Variants in PAG1 observed in about 807,000 individuals in gnomAD.
PAG1 encodes the protein phosphoprotein associated with glycosphingolipid-enriched microdomains 1.
PAG1 carries 23 observed loss-of-function variants against 31.7 expected under a neutral mutation model. The ratio of observed to expected loss-of-function variants is 0.73; its 90% CI spans 0.52 to 1.03. The LOEUF (loss-of-function observed/expected upper bound fraction) is 1.03. Among genes scored for constraint, PAG1 ranks in the 50% least tolerant of loss-of-function variants. PAG1 has a pLI of 0.00. For synonymous variants in PAG1, 214 were observed against 210.3 expected, an observed-to-expected ratio of 1.02 and a Z score of -0.15; for missense variants, 473 against 540.7, an observed-to-expected ratio of 0.87 and a Z score of 1.24.
chr8:81,088,140 C>T (rs1447786408), intron 1 of PAG1, among the ~76,000 whole-genome samples: 1 of 152,064 alleles, frequency 6.6e-6, no homozygotes, highest in East Asian at 1.9e-4. Flanking sequence ...TATTTACCTC[C>T]CAACTCCTTC....
intron 3 of PAG1, chr8:81,029,659 G>C (rs753705343): frequency 6.6e-6 from 1 of 152,088 alleles, no homozygotes; most frequent in Admixed American, 6.5e-5. Context: ...AGGATGAAAT[G>C]TTATTTTCAT....
chr8:80,993,922 T>G (rs945047853), intron 3 of PAG1, among the ~76,000 whole-genome samples: 1 of 152,140 alleles, frequency 6.6e-6, no homozygotes, highest in Non-Finnish European at 1.5e-5. Context: ...TCTTAATGTC[T>G]TCAAATAAAG....
At chr8:81,094,837 C>T (rs1398313017) in intron 1 of PAG1, among the ~76,000 whole-genome samples, 1 of 152,190 alleles carries the variant, frequency 6.6e-6, no homozygotes, top group Admixed American at 6.5e-5. Context: ...ACCATTTTCA[C>T]ACAGGCAGGA....
intron 1 of PAG1, among the ~76,000 whole-genome samples, chr8:81,074,189 C>A (rs780625358): frequency 6.6e-6 from 1 of 152,100 alleles, no homozygotes; most frequent in Non-Finnish European, 1.5e-5. Context: ...GGCACAGGGA[C>A]CCACTGAGAC....
intron 1 of PAG1, among the ~76,000 whole-genome samples, chr8:81,071,281 C>G (rs895752091): frequency 1.3e-5 from 2 of 152,188 alleles, no homozygotes; most frequent in Admixed American, 1.3e-4. Flanking sequence ...ATATGAGTAC[C>G]AAGAGAAAAG....
intron 2 of PAG1, among the ~76,000 whole-genome samples, chr8:81,038,350 G>A (rs150634993): frequency 6.6e-6 from 1 of 152,320 alleles, no homozygotes; most frequent in Non-Finnish European, 1.5e-5. Context: ...CCCAGCCACA[G>A]AAAGGACCCT....
At chr8:80,986,397 C>T (rs371551007) in intron 6 of PAG1, among the ~76,000 whole-genome samples, 9 of 152,098 alleles carry the variant, frequency 5.9e-5, no homozygotes, top group East Asian at 1.9e-4. Context: ...GGTAACAGGA[C>T]GCCCTCTTAC....
At chr8:81,069,932 A>C (rs1008917305) in intron 2 of PAG1, among the ~76,000 whole-genome samples, 180 bp downstream of exon 2, 1 of 152,226 alleles carries the variant, frequency 6.6e-6, no homozygotes, top group African/African-American at 2.4e-5. Context: ...CTAAGTTGCT[A>C]AATTCAAATC....
At chr8:81,059,491 G>A (rs185433731) in intron 2 of PAG1, among the ~76,000 whole-genome samples, 17 of 152,190 alleles carry the variant, frequency 1.1e-4, no homozygotes, top group Admixed American at 2.6e-4. Context: ...CTCCTGCTTG[G>A]AAGAAGTAAG....
intron 1 of PAG1, among the ~76,000 whole-genome samples, chr8:81,082,528 CT>C (rs1809286414): frequency 6.6e-6 from 1 of 152,108 alleles, no homozygotes; most frequent in Admixed American, 6.5e-5. Flanking sequence ...TCCTATGCTT[CT>C]TATGGGTCTC....
intron 1 of PAG1, among the ~76,000 whole-genome samples, chr8:81,085,390 A>G (rs750113540): frequency 4.6e-5 from 7 of 152,210 alleles, no homozygotes; most frequent in Admixed American, 3.3e-4. Context: ...AAAACTAAAC[A>G]GTGAAGTGAC....
intron 8 of PAG1, 117 bp downstream of exon 8, chr8:80,980,318 T>C (rs995581684): frequency 1.1e-5 from 7 of 641,176 alleles, no homozygotes; most frequent in Admixed American, 8.0e-5. Flanking sequence ...TCTCCAAACA[T>C]AGGCATAGGA....
At chr8:81,069,852 A>G (rs577900728) in intron 2 of PAG1, among the ~76,000 whole-genome samples, 2 of 152,298 alleles carry the variant, frequency 1.3e-5, no homozygotes, top group South Asian at 4.1e-4. Context: ...TGGGCTTACC[A>G]CCAATCAAAG....
chr8:81,103,320 ATTC>A (rs1809639865), intron 1 of PAG1, among the ~76,000 whole-genome samples: 1 of 152,098 alleles, frequency 6.6e-6, no homozygotes, highest in African/African-American at 2.4e-5. Flanking sequence ...ACACCCCCTA[ATTC>A]TTCTTTAGTA....
intron 3 of PAG1, among the ~76,000 whole-genome samples, chr8:80,999,815 G>A (rs986537417): frequency 1.3e-5 from 2 of 152,140 alleles, no homozygotes; most frequent in Non-Finnish European, 2.9e-5. Context: ...GATGGGTAAG[G>A]AATCACTTCT....
intron 1 of PAG1, among the ~76,000 whole-genome samples, chr8:81,071,167 A>G (rs943361857): frequency 6.6e-6 from 1 of 152,260 alleles, no homozygotes; most frequent in African/African-American, 2.4e-5. Context: ...GCTGACAATA[A>G]GCAAGGTGGT....
intron 2 of PAG1, among the ~76,000 whole-genome samples, chr8:81,059,081 T>C (rs930077055): frequency 3.3e-5 from 5 of 152,114 alleles, no homozygotes; most frequent in African/African-American, 1.2e-4. Flanking sequence ...CTTAAGTATA[T>C]ATACTTAAGT....
At chr8:81,033,813 G>T (rs1808419761) in intron 2 of PAG1, among the ~76,000 whole-genome samples, 1 of 152,242 alleles carries the variant, frequency 6.6e-6, no homozygotes, top group African/African-American at 2.4e-5. Context: ...AAACCCTGAG[G>T]GATGAGATGG....
At chr8:81,097,156 C>T (rs1809541303) in intron 1 of PAG1, among the ~76,000 whole-genome samples, 1 of 152,184 alleles carries the variant, frequency 6.6e-6, no homozygotes, top group Non-Finnish European at 1.5e-5. Flanking sequence ...TGGGGCCCCA[C>T]CCCCAGGGCA....
Sources: allele counts gnomAD v4.1 joint callset (sites outside exome capture counted in the v4.1 genomes callset), GRCh38; gene constraint gnomAD v4.1.1; transcripts MANE v1.5; gene names NCBI Gene and HGNC (gene_info 2026-07-23, HGNC 2026-07-21).